EVX2: variants seen among roughly 807,000 people sequenced by gnomAD.
EVX2 encodes the protein even-skipped homeobox 2.
A neutral mutation model predicts 19.2 loss-of-function variants in EVX2; 10 were observed. That is an observed-to-expected ratio of 0.52 (90% CI 0.32 to 0.89). The LOEUF is 0.89. EVX2 is among the 40% of genes least tolerant of loss of function. EVX2 has a pLI of 0.03. For synonymous variants in EVX2, 354 were observed against 328.4 expected, an observed-to-expected ratio of 1.08 and a Z score of -0.84; for missense variants, 710 against 694.9, an observed-to-expected ratio of 1.02 and a Z score of -0.24.
rs1434001748 is a variant in EVX2 at position 176,078,798 on chromosome 2, TC to T, written c.*1308del. The T allele has an allele frequency of 6.6e-6, 1 of 152,184 alleles. No homozygotes were observed. Among genetic ancestry groups the T allele is most frequent in the Non-Finnish European group, 1.5e-5 (1 of 68,012 alleles). The allele number at this position is 152,184 out of a possible 1,614,324, so 9.4% of individuals were successfully genotyped here. ...TCTCCAATTCCACATTCAAAGGAGG[TC>T]CATCAGAGAGCATGATTGGCAATTT... On this transcript the variant is annotated 3_prime_UTR_variant, in exon 3 of 3. Coordinates refer to ENST00000308618, the MANE Select transcript of EVX2 (RefSeq NM_001080458.2).
At position 176,080,396 on chromosome 2, in the gene EVX2, C is replaced by CCG. The variant is rs1252839407; in HGVS notation, c.1141_1142insCG (p.Ser381ThrfsTer84). 19 of 1,092,688 alleles carry CCG rather than the reference C, an allele frequency of 1.7e-5. No homozygotes were observed. Among genetic ancestry groups the CCG allele is most frequent in the African/African-American group, 6.8e-5 (4 of 58,532 alleles). The allele number at this position is 1,092,688 out of a possible 1,614,324, so 67.7% of individuals were successfully genotyped here. A position where few individuals can be genotyped will look rare whatever the true frequency, so the allele number is the denominator to read the frequency against. ...GCACGAGCAGGGTGCAGAGCCGCCG[C>CCG]TGGGGGGCGCGCCGGCCGCCGCCGC... is the stretch of plus-strand genomic sequence containing the variant. On this transcript the variant is annotated frameshift_variant, in exon 3 of 3. Transcript: ENST00000308618. LOFTEE classifies it high-confidence loss of function. The surrounding 1 kb of genome is among the most constrained non-coding windows in gnomAD (Gnocchi z 7.0).
Position 176,078,836 on chromosome 2 carries a change from T to G in EVX2, c.*1271A>C, listed in dbSNP as rs1449308521. On this transcript the variant is annotated 3_prime_UTR_variant, in exon 3 of 3. Coordinates refer to ENST00000308618, the MANE Select transcript of EVX2 (RefSeq NM_001080458.2). ...ATGATTGGCAATTTTCGTCATAATC[T>G]GCACATTATTAGCATCAAACTTGAC... 1 of 152,212 alleles carries G rather than the reference T, an allele frequency of 6.6e-6. No homozygotes were observed. Among genetic ancestry groups the G allele is most frequent in the Non-Finnish European group, 1.5e-5 (1 of 68,036 alleles). 9.4% of individuals were successfully genotyped at this position (152,212 alleles called of 1,614,324 possible).
rs1371151458 is a variant in EVX2 at position 176,083,685 on chromosome 2, G to A, written c.92C>T (p.Ser31Leu). ...AGKRFSNLSNSAGNAVLEALE... is the reference protein window; with the variant it reads ...AGKRFSNLSNLAGNAVLEALE... ...GGCCTCGAGCACAGCATTGCCAGCC[G>A]AGTTGGACAAATTGGAGAATCTCTT... Residue 31 changes from serine to leucine, a missense_variant, in exon 1 of 3, where the codon TCG (serine) becomes TTG (leucine). Ser to Leu is a moderately radical substitution (Grantham distance 145, BLOSUM62 -2). Coordinates refer to ENST00000308618, the MANE Select transcript of EVX2 (RefSeq NM_001080458.2). The surrounding 1 kb of genome is among the most constrained non-coding windows in gnomAD (Gnocchi z 4.4). The A allele has an allele frequency of 1.2e-6, 2 of 1,614,120 alleles. No homozygotes were observed. Among genetic ancestry groups the A allele is most frequent in the Non-Finnish European group, 1.7e-6 (2 of 1,180,040 alleles).
chr2:176,080,680 G>A lies in EVX2; in HGVS notation c.858C>T (p.Tyr286=). The change falls in exon 3 of 3, where the codon TAC becomes TAT. Residue 286 remains tyrosine, a synonymous_variant. Coordinates refer to ENST00000308618, the MANE Select transcript of EVX2 (RefSeq NM_001080458.2). This position sits in a 1 kb window ranked among gnomAD's most constrained non-coding sequence, Gnocchi z 7.0. ...CCGCCGTGACGCCCACGTGCGGGTA[G>A]TAGTGCAGCGGCACGTGCGAGTGGA... ...YPFHSHVPLH[Y]YPHVGVTAAA... is the part of the protein sequence containing the mutation. 1.8e-5 allele frequency: 28 copies of A among 1,598,514 alleles called. No individual in the cohort carries two copies. Among genetic ancestry groups the A allele is most frequent in the Non-Finnish European group, 2.3e-5 (27 of 1,177,486 alleles).
In EVX2 at chr2:176,078,250, C is replaced by A. The variant is rs955391072; in HGVS notation, c.*1857G>T. The A allele has an allele frequency of 1.6e-5, 2 of 121,728 alleles. No individual in the cohort carries two copies. Among genetic ancestry groups the A allele is most frequent in the African/African-American group, 9.6e-5 (2 of 20,860 alleles). The allele number at this position is 121,728 out of a possible 1,614,324, so 7.5% of individuals were successfully genotyped here. On this transcript the variant is annotated 3_prime_UTR_variant, in exon 3 of 3. Coordinates refer to ENST00000308618, the MANE Select transcript of EVX2 (RefSeq NM_001080458.2). ...TATGTATACATGAATATGTGTGTAT[C>A]TCTTACATATGTATTTAAGAGCACG...
In EVX2 at chr2:176,083,911, T is replaced by C; in HGVS notation, c.-135A>G. 1.3e-6 allele frequency: 1 copy of C among 756,508 alleles called. No individual in the cohort carries two copies. Among genetic ancestry groups the C allele is most frequent in the Non-Finnish European group, 2.1e-6 (1 of 472,610 alleles). The allele number at this position is 756,508 out of a possible 1,614,324, so 46.9% of individuals were successfully genotyped here. On this transcript the variant is annotated 5_prime_UTR_variant, in exon 1 of 3. Coordinates refer to ENST00000308618, the MANE Select transcript of EVX2 (RefSeq NM_001080458.2). This position sits in a 1 kb window ranked among gnomAD's most constrained non-coding sequence, Gnocchi z 4.4. ...TCGCTTTCGGAGGGAGGCGGAAAAA[T>C]TGTGGGATGCCAGAGCGAGGGAATG...
In EVX2 at chr2:176,080,052, G is replaced by C; in HGVS notation, c.*55C>G. ...CGGAGGGCTCAGGGGGCGCACAGGG[G>C]ACTCCCGGGCACACTCAGAGAGGCG... On this transcript the variant is annotated 3_prime_UTR_variant, in exon 3 of 3. Transcript: ENST00000308618. The surrounding 1 kb of genome is among the most constrained non-coding windows in gnomAD (Gnocchi z 7.0). The C allele has an allele frequency of 2.7e-6, 4 of 1,471,556 alleles. No individual in the cohort carries two copies. The highest frequency in any genetic ancestry group is 3.6e-6 in the Non-Finnish European group (4 of 1,109,192). The allele number at this position is 1,471,556 out of a possible 1,614,324, so 91.2% of individuals were successfully genotyped here. A position where few individuals can be genotyped will look rare whatever the true frequency, so the allele number is the denominator to read the frequency against.
Position 176,082,208 on chromosome 2 carries a change from C to A in EVX2, c.669G>T (p.Ala223=). The change falls in exon 2 of 3, where the codon GCG becomes GCT. Residue 223 remains alanine, a synonymous_variant. Transcript: ENST00000308618. This position sits in a 1 kb window ranked among gnomAD's most constrained non-coding sequence, Gnocchi z 5.2. The part of the protein sequence containing the change: ...VSRPRRCELA[A]ALNLPETTIK... ...TGGTGGTTTCGGGCAGGTTGAGTGCCGCGGCCAGCTCGCACCGGCGGGGCC... is the reference window on the plus strand; with the variant it reads ...TGGTGGTTTCGGGCAGGTTGAGTGCAGCGGCCAGCTCGCACCGGCGGGGCC... The A allele has an allele frequency of 6.3e-7, 1 of 1,599,560 alleles. No individual in the cohort carries two copies. The highest frequency in any genetic ancestry group is 8.5e-7 in the Non-Finnish European group (1 of 1,175,468).
chr2:176,080,431 CGCAGCCGCTGCGGCTGCCGCG>C lies in EVX2; in HGVS notation c.1086_1106del (p.Ala364_Ala370del), dbSNP rs1446495304. Reference sequence around the variant, plus strand: ...CGCCGGCCGCCGCCGCCGAGGAGGCCGCAGCCGCTGCGGCTGCCGCGGCTGCCGCGGCAGAGGCCGCGCTGT... The same window carrying C: ...CGCCGGCCGCCGCCGCCGAGGAGGCCGCTGCCGCGGCAGAGGCCGCGCTGT... On this transcript the variant is annotated inframe_deletion, in exon 3 of 3. Coordinates refer to ENST00000308618, the MANE Select transcript of EVX2 (RefSeq NM_001080458.2). The surrounding 1 kb of genome is among the most constrained non-coding windows in gnomAD (Gnocchi z 7.0). 3.6e-6 allele frequency: 4 copies of C among 1,112,964 alleles called. 1 individual carries two copies. The highest frequency in any genetic ancestry group is 1.7e-5 in the African/African-American group (1 of 59,514). The allele number at this position is 1,112,964 out of a possible 1,614,324, so 68.9% of individuals were successfully genotyped here. A position where few individuals can be genotyped will look rare whatever the true frequency, so the allele number is the denominator to read the frequency against.
chr2:176,080,502 C>G lies in EVX2; in HGVS notation c.1036G>C (p.Ala346Pro), dbSNP rs574887279. 2.1e-5 allele frequency: 30 copies of G among 1,420,604 alleles called. No individual in the cohort carries two copies. Among genetic ancestry groups the G allele is most frequent in the Admixed American group, 3.1e-5 (1 of 32,186 alleles). 88.0% of individuals were successfully genotyped at this position (1,420,604 alleles called of 1,614,324 possible). A position where few individuals can be genotyped will look rare whatever the true frequency, so the allele number is the denominator to read the frequency against. ...TTGAGCCCCGCGGCGGCCGCGGGAG[C>G]CTGGTAGAGACCAGGGTGGCGGAAG... ...CSFRHPGLYQ[A>P]PAAAAGLNSA... is the part of the protein sequence containing the mutation. Residue 346 changes from alanine (A) to proline (P), a missense_variant, in exon 3 of 3, where the codon GCT (alanine) becomes CCT (proline). Transcript: ENST00000308618. This position sits in a 1 kb window ranked among gnomAD's most constrained non-coding sequence, Gnocchi z 7.0.
rs1395678401 is a variant in EVX2, at chr2:176,080,588, C to T, written c.950G>A (p.Arg317Gln). 3.9e-6 allele frequency: 6 copies of T among 1,532,810 alleles called. No homozygotes were observed. Among genetic ancestry groups the T allele is most frequent in the Middle Eastern group, 2.0e-4 (1 of 5,004 alleles). The allele number at this position is 1,532,810 out of a possible 1,614,324, so 95.0% of individuals were successfully genotyped here. ...GAGGGCGCGGAAGGTGTCCAGTGGC[C>T]GGATGGAAGTAGCGAAGGGCGACGA... ...AASSPFATSI[R>Q]PLDTFRALSH... Residue 317 changes from arginine (R) to glutamine (Q), a missense_variant, in exon 3 of 3, where the codon CGG becomes CAG. Physicochemically the swap from Arg to Gln is conservative, Grantham distance 43 (BLOSUM62 1). Coordinates refer to ENST00000308618, the MANE Select transcript of EVX2 (RefSeq NM_001080458.2). The surrounding 1 kb of genome is among the most constrained non-coding windows in gnomAD (Gnocchi z 7.0).
In EVX2 at chr2:176,083,345, G is replaced by T. The variant is rs1689174611; in HGVS notation, c.427+5C>A. ...TGGAGAGCGCGGTGCGGCCGGCGCG[G>T]TTACCTTTGCCATTGTTTTCCTTAA... On this transcript the variant is annotated splice_donor_5th_base_variant and intron_variant, in intron 1 of 2. Transcript: ENST00000308618. The surrounding 1 kb of genome is among the most constrained non-coding windows in gnomAD (Gnocchi z 4.4). 4.4e-6 allele frequency: 7 copies of T among 1,573,680 alleles called. No individual in the cohort carries two copies. Among genetic ancestry groups the T allele is most frequent in the Non-Finnish European group, 6.0e-6 (7 of 1,158,410 alleles).
At position 176,082,153 on chromosome 2, in the gene EVX2, A is replaced by G; in HGVS notation, c.699+25T>C. The G allele has an allele frequency of 6.5e-7, 1 of 1,538,070 alleles. No individual in the cohort carries two copies. Among genetic ancestry groups the G allele is most frequent in the Non-Finnish European group, 8.8e-7 (1 of 1,142,822 alleles). On this transcript the variant is annotated intron_variant, in intron 2 of 2. Coordinates refer to ENST00000308618, the MANE Select transcript of EVX2 (RefSeq NM_001080458.2). The surrounding 1 kb of genome is among the most constrained non-coding windows in gnomAD (Gnocchi z 5.2). ...ACCCAGATGCCCCCGGGGAGGCCAG[A>G]GCAGGCATGCACTGGAATTGATACC...
At position 176,079,983 on chromosome 2, in the gene EVX2, C is replaced by A; in HGVS notation, c.*124G>T. ...AGCAGGTTCCCTTCGGCCTCCCGCG[C>A]CCCGGGGCGCCCCCTGGCGGCAGCG... On this transcript the variant is annotated 3_prime_UTR_variant, in exon 3 of 3. Coordinates refer to ENST00000308618, the MANE Select transcript of EVX2 (RefSeq NM_001080458.2). The surrounding 1 kb of genome is among the most constrained non-coding windows in gnomAD (Gnocchi z 4.4). 8.7e-7 allele frequency: 1 copy of A among 1,149,422 alleles called. No individual in the cohort carries two copies. Among genetic ancestry groups the A allele is most frequent in the Non-Finnish European group, 1.1e-6 (1 of 896,298 alleles). 71.2% of individuals were successfully genotyped at this position (1,149,422 alleles called of 1,614,324 possible).
rs753622510 is a variant in EVX2, at chr2:176,083,751, A to G, written c.26T>C (p.Met9Thr). The change falls in exon 1 of 3, where the codon ATG (methionine) becomes ACG (threonine). Residue 9 changes from methionine to threonine, a missense_variant. Physicochemically the swap from Met to Thr is moderately conservative, Grantham distance 81. Transcript: ENST00000308618. The surrounding 1 kb of genome is among the most constrained non-coding windows in gnomAD (Gnocchi z 4.4). ...GTGCAGCCCTCTCTCCATCAGAATC[A>G]TCTCTTTTCTTATTCTTTCCATCAT... MMERIRKE[M>T]ILMERGLHSP... 3.7e-6 allele frequency: 6 copies of G among 1,612,540 alleles called. No individual in the cohort carries two copies. In the South Asian group the frequency reaches 6.6e-5, roughly 18 times the overall value.
rs1689184315 is a variant in EVX2, at chr2:176,083,770, C to G, written c.7G>C (p.Glu3Gln). 1 of 1,608,652 alleles carries G rather than the reference C, an allele frequency of 6.2e-7. No individual in the cohort carries two copies. The highest frequency in any genetic ancestry group is 8.5e-7 in the Non-Finnish European group (1 of 1,177,274). MM[E>Q]RIRKEMILME... ...AGAATCATCTCTTTTCTTATTCTTTCCATCATCTCAGCTTTCTTAAAAATG... is the reference window on the plus strand; with the variant it reads ...AGAATCATCTCTTTTCTTATTCTTTGCATCATCTCAGCTTTCTTAAAAATG... Residue 3 changes from glutamate (E) to glutamine (Q), a missense_variant, in exon 1 of 3, where the codon GAA becomes CAA. Physicochemically the swap from Glu to Gln is conservative, Grantham distance 29. Coordinates refer to ENST00000308618, the MANE Select transcript of EVX2 (RefSeq NM_001080458.2). This position sits in a 1 kb window ranked among gnomAD's most constrained non-coding sequence, Gnocchi z 4.4.
In EVX2 at chr2:176,080,407, G is replaced by T; in HGVS notation, c.1131C>A (p.Gly377=). The T allele has an allele frequency of 9.4e-7, 1 of 1,060,648 alleles. No individual in the cohort carries two copies. Among genetic ancestry groups the T allele is most frequent in the Non-Finnish European group, 1.1e-6 (1 of 880,416 alleles). 65.7% of individuals were successfully genotyped at this position (1,060,648 alleles called of 1,614,324 possible). A position where few individuals can be genotyped will look rare whatever the true frequency, so the allele number is the denominator to read the frequency against. Residue 377 remains glycine, a synonymous_variant, in exon 3 of 3, where the codon GGC becomes GGA. Coordinates refer to ENST00000308618, the MANE Select transcript of EVX2 (RefSeq NM_001080458.2). This position sits in a 1 kb window ranked among gnomAD's most constrained non-coding sequence, Gnocchi z 7.0. ...AAAASSAAAA[G]APPSGGSAPC... The stretch of plus-strand genomic sequence containing the variant: ...GTGCAGAGCCGCCGCTGGGGGGCGC[G>T]CCGGCCGCCGCCGCCGAGGAGGCCG...
rs757814311 is a variant in EVX2, at chr2:176,083,514, A to C, written c.263T>G (p.Val88Gly). 6.2e-7 allele frequency: 1 copy of C among 1,613,856 alleles called. No individual in the cohort carries two copies. The highest frequency in any genetic ancestry group is 8.5e-7 in the Non-Finnish European group (1 of 1,179,976). Reference protein sequence around the residue: ...NLQHTGSESTVSSEISSAAES... With the variant: ...NLQHTGSESTGSSEISSAAES... ...GGCGGCGGAGGAGATTTCGGAGGAG[A>C]CGGTGCTTTCGCTGCCCGTGTGCTG... is the stretch of plus-strand genomic sequence containing the variant. Residue 88 changes from valine (V) to glycine (G), a missense_variant, in exon 1 of 3, where the codon GTC becomes GGC. Val to Gly is a moderately radical substitution (Grantham distance 109). Coordinates refer to ENST00000308618, the MANE Select transcript of EVX2 (RefSeq NM_001080458.2). This position sits in a 1 kb window ranked among gnomAD's most constrained non-coding sequence, Gnocchi z 4.4.
Position 176,083,350 on chromosome 2 carries a change from C to A in EVX2, c.427G>T (p.Gly143Trp). The A allele has an allele frequency of 6.3e-7, 1 of 1,582,884 alleles. No individual in the cohort carries two copies. Among genetic ancestry groups the A allele is most frequent in the Non-Finnish European group, 8.6e-7 (1 of 1,163,280 alleles). ...AGCGCGGTGCGGCCGGCGCGGTTACCTTTGCCATTGTTTTCCTTAAGCTGA... is the reference window on the plus strand; with the variant it reads ...AGCGCGGTGCGGCCGGCGCGGTTACATTTGCCATTGTTTTCCTTAAGCTGA... ...AAQLKENNGK[G>W]YAESGSAAGT... The change falls in exon 1 of 3, where the codon GGG becomes TGG. Residue 143 changes from glycine to tryptophan, a missense_variant and splice_region_variant. Transcript: ENST00000308618. The surrounding 1 kb of genome is among the most constrained non-coding windows in gnomAD (Gnocchi z 4.4).
Sources: allele counts gnomAD v4.1 joint callset, GRCh38; gene constraint gnomAD v4.1.1; non-coding constraint Gnocchi (gnomAD v3.1); transcripts MANE v1.5; gene names NCBI Gene and HGNC (gene_info 2026-07-23, HGNC 2026-07-21).